TOX: variants seen among roughly 807,000 people sequenced by gnomAD.
TOX encodes the protein thymocyte selection associated high mobility group box.
Under a neutral mutation model 53.7 loss-of-function variants are expected in TOX, and 11 were observed. That is an observed-to-expected ratio of 0.20 (90% CI 0.13 to 0.34). The LOEUF (loss-of-function observed/expected upper bound fraction) is 0.34, where lower values mean the gene tolerates loss of function less well. Among genes scored for constraint, TOX ranks in the 10% least tolerant of loss-of-function variants. The probability of loss-of-function intolerance (pLI) is 1.00; values close to 1 mark genes in which losing one functional copy is unlikely to be tolerated. For missense variants in TOX, 570 were observed against 664.6 expected (o/e 0.86, Z 1.56); for synonymous variants, 225 against 245.3 (o/e 0.92, Z 0.77).
chr8:59,088,007 T>C (rs1804544053), intron 1 of TOX, among the ~76,000 whole-genome samples: 1 of 152,186 alleles, frequency 6.6e-6, no homozygotes, highest in Non-Finnish European at 1.5e-5. Context: ...CATGCGAATT[T>C]ATGTACCTCA....
chr8:58,902,381 A>G (rs576145391), intron 3 of TOX, among the ~76,000 whole-genome samples: 6 of 152,288 alleles, frequency 3.9e-5, no homozygotes, highest in Admixed American at 3.9e-4. Flanking sequence ...CAGCAGTTCT[A>G]AATCGGTGCC....
At chr8:58,864,024 C>T (rs367654532) in intron 3 of TOX, among the ~76,000 whole-genome samples, 40 of 151,970 alleles carry the variant, frequency 2.6e-4, no homozygotes, top group Middle Eastern at 3.4e-3. Flanking sequence ...AATTTAACTC[C>T]GGAGGCAATA....
chr8:58,840,114 A>T (rs1235468921), intron 4 of TOX, among the ~76,000 whole-genome samples: 1 of 152,238 alleles, frequency 6.6e-6, no homozygotes, highest in Non-Finnish European at 1.5e-5. Flanking sequence ...TAATATTAAT[A>T]TGTGATACCT....
Position 58,808,206 on chromosome 8 carries a change from C to T in TOX, c.1456G>A (p.Val486Ile). The change falls in exon 8 of 9, where the codon GTC becomes ATC. Residue 486 changes from valine to isoleucine, a missense_variant. Around this residue, in one of 3 missense-constraint regions of TOX, gnomAD observed 239 missense variants for 250.7 expected, o/e 0.95. Coordinates refer to ENST00000361421, the MANE Select transcript of TOX (RefSeq NM_014729.3). ...CGCACATACTCCATTGCCTGGGTGA[C>T]AACTTGTGCAGCTGTAGATGTAGGA... Reference protein sequence around the residue: ...INPTSTAAQVVTQAMEYVRSG... With the variant: ...INPTSTAAQVITQAMEYVRSG... 6.2e-7 allele frequency: 1 copy of T among 1,614,112 alleles called. No homozygotes were observed. Among genetic ancestry groups the T allele is most frequent in the Non-Finnish European group, 8.5e-7 (1 of 1,179,998 alleles).
At chr8:59,029,899 T>A (rs1337790354) in intron 1 of TOX, among the ~76,000 whole-genome samples, 1 of 152,186 alleles carries the variant, frequency 6.6e-6, no homozygotes, top group Non-Finnish European at 1.5e-5. Context: ...CCTCACACAA[T>A]GCCTTATTTA....
rs948296317 is a variant in TOX at position 59,105,455 on chromosome 8, C to T, written c.102+13431G>A. Among the ~76,000 whole-genome samples the T allele has an allele frequency of 1.3e-4, 20 of 152,094 alleles. 1 individual carries two copies. Among genetic ancestry groups the T allele is most frequent in the African/African-American group, 4.8e-4 (20 of 41,496 alleles). On this transcript the variant is annotated intron_variant, in intron 1 of 8. Coordinates refer to ENST00000361421, the MANE Select transcript of TOX (RefSeq NM_014729.3). Reference sequence around the variant, plus strand: ...AACATTAGAAAAATGTCACCCCGCACATAGAGCTGAATTTTTAAAATAAAA... The same window carrying T: ...AACATTAGAAAAATGTCACCCCGCATATAGAGCTGAATTTTTAAAATAAAA...
At chr8:59,116,670 T>C (rs1255461185) in intron 1 of TOX, among the ~76,000 whole-genome samples, 1 of 152,214 alleles carries the variant, frequency 6.6e-6, no homozygotes, top group Non-Finnish European at 1.5e-5. Context: ...TGGAGAAACA[T>C]TTCCATGAAG....
intron 4 of TOX, 132 bp from the exon 5 acceptor site, chr8:58,838,443 C>T: frequency 4.3e-6 from 3 of 692,940 alleles, no homozygotes; most frequent in Non-Finnish European, 4.8e-6. Flanking sequence ...CTAAGGGACA[C>T]ATTGTTTTGT....
Position 58,851,501 on chromosome 8 carries a change from T to A in TOX, c.693+23A>T. On this transcript the variant is annotated intron_variant, in intron 4 of 8. Coordinates refer to ENST00000361421, the MANE Select transcript of TOX (RefSeq NM_014729.3). The surrounding 1 kb of genome is among the most constrained non-coding windows in gnomAD (Gnocchi z 4.4). The stretch of plus-strand genomic sequence containing the variant: ...GTGCCTAAGAATAGTCTCCCATAGG[T>A]CCTAAAAATAACTTATTCATACCTT... The A allele has an allele frequency of 6.2e-7, 1 of 1,610,246 alleles. No homozygotes were observed. The highest frequency in any genetic ancestry group is 8.5e-7 in the Non-Finnish European group (1 of 1,178,604).
At position 58,928,375 on chromosome 8, in the gene TOX, C is replaced by T. The variant is rs558444449; in HGVS notation, c.411+10927G>A. Among the ~76,000 whole-genome samples the T allele has an allele frequency of 3.2e-4, 49 of 152,326 alleles. 2 individuals carry two copies. In the South Asian group the frequency reaches 0.01, roughly 32 times the overall value. On this transcript the variant is annotated intron_variant, in intron 3 of 8. Transcript: ENST00000361421. ...GCTATTAACAAGAGGTCCCACTCTG[C>T]ATCTGTCCAGTGGGGAAATGGCCAC...
intron 3 of TOX, among the ~76,000 whole-genome samples, chr8:58,930,997 AATT>A (rs1350656824): frequency 1.3e-5 from 2 of 152,218 alleles, no homozygotes; most frequent in African/African-American, 2.4e-5. Flanking sequence ...TTTGCTAAAT[AATT>A]GATACCCAGG....
In TOX at chr8:58,925,495, A is replaced by G. The variant is rs117022201; in HGVS notation, c.411+13807T>C. Among the ~76,000 whole-genome samples the G allele has an allele frequency of 2.7e-4, 41 of 152,324 alleles. 1 individual carries two copies. In the East Asian group the frequency reaches 4.8e-3, roughly 18 times the overall value. ...TATAACCTGCTATTCACAAGCATCT[A>G]TGACAATTGCCTTACGTGGACTATC... On this transcript the variant is annotated intron_variant, in intron 3 of 8. Coordinates refer to ENST00000361421, the MANE Select transcript of TOX (RefSeq NM_014729.3).
At chr8:58,996,056 T>C (rs916064685) in intron 1 of TOX, among the ~76,000 whole-genome samples, 3 of 152,226 alleles carry the variant, frequency 2.0e-5, no homozygotes, top group Non-Finnish European at 2.9e-5. Context: ...AGTTTGAACA[T>C]TGTAATTTTT....
At chr8:58,942,482 A>C (rs1048822608) in intron 2 of TOX, among the ~76,000 whole-genome samples, 4 of 152,184 alleles carry the variant, frequency 2.6e-5, no homozygotes, top group African/African-American at 7.2e-5. Flanking sequence ...TTATATTAGA[A>C]ATCATGATAT....
intron 3 of TOX, among the ~76,000 whole-genome samples, chr8:58,910,434 G>C (rs774941646): frequency 5.9e-5 from 9 of 152,190 alleles, no homozygotes; most frequent in Non-Finnish European, 1.2e-4. Context: ...ACCTGTCAAA[G>C]AGTGGGTAGA....
At chr8:59,070,793 T>C (rs567283046) in intron 1 of TOX, among the ~76,000 whole-genome samples, 52 of 152,204 alleles carry the variant, frequency 3.4e-4, no homozygotes, top group Non-Finnish European at 6.6e-4. Context: ...TCTTTGGAAA[T>C]TGATGAGGTG....
chr8:59,022,837 C>T (rs1242884738), intron 1 of TOX, among the ~76,000 whole-genome samples: 2 of 152,048 alleles, frequency 1.3e-5, no homozygotes, highest in Non-Finnish European at 2.9e-5. Flanking sequence ...TGGTCTTGAC[C>T]GTTGGCTCAC....
intron 6 of TOX, among the ~76,000 whole-genome samples, chr8:58,820,277 TAA>T (rs11457153): frequency 1.4e-5 from 2 of 147,662 alleles, no homozygotes; most frequent in Admixed American, 6.8e-5. Context: ...TTCTGTACGT[TAA>T]AAAAAAAAAA....
chr8:58,903,671 G>A (rs1811766133), intron 3 of TOX, among the ~76,000 whole-genome samples: 1 of 152,142 alleles, frequency 6.6e-6, no homozygotes, highest in Non-Finnish European at 1.5e-5. Flanking sequence ...ACTGAATTGA[G>A]GGTACATGGT....
Sources: allele counts gnomAD v4.1 joint callset (sites outside exome capture counted in the v4.1 genomes callset), GRCh38; gene constraint gnomAD v4.1.1; regional missense constraint gnomAD v4.1.1; non-coding constraint Gnocchi (gnomAD v3.1); transcripts MANE v1.5; gene names NCBI Gene and HGNC (gene_info 2026-07-23, HGNC 2026-07-21).